COL11A1: variants seen among roughly 807,000 people sequenced by gnomAD.
COL11A1 encodes the protein collagen type XI alpha 1 chain.
COL11A1 carries 74 observed loss-of-function variants against 265.2 expected under a neutral mutation model. The ratio of observed to expected loss-of-function variants is 0.28; its 90% CI spans 0.23 to 0.34. The LOEUF (loss-of-function observed/expected upper bound fraction) is 0.34, where lower values mean the gene tolerates loss of function less well. Among genes scored for constraint, COL11A1 ranks in the 10% least tolerant of loss-of-function variants. COL11A1 has a pLI of 1.00. For synonymous variants in COL11A1, 816 were observed against 727.6 expected (o/e 1.12, Z -1.96); for missense variants, 2,165 against 2,263.6 (o/e 0.96, Z 0.88).
intron 65 of COL11A1, among the ~76,000 whole-genome samples, chr1:102,880,439 T>C (rs1384043500): frequency 6.6e-6 from 1 of 152,208 alleles, no homozygotes; most frequent in African/African-American, 2.4e-5. Context: ...AGGTTATTAA[T>C]ATTTTCAGAA....
intron 9 of COL11A1, among the ~76,000 whole-genome samples, chr1:103,020,068 T>C (rs1666894563): frequency 1.3e-5 from 2 of 151,386 alleles, no homozygotes; most frequent in South Asian, 2.1e-4. Flanking sequence ...TGTATCTTTA[T>C]AGCAGCATGA....
intron 5 of COL11A1, among the ~76,000 whole-genome samples, chr1:103,026,702 CTA>C (rs1231236457): frequency 1.3e-5 from 2 of 151,998 alleles, no homozygotes; most frequent in African/African-American, 4.8e-5. Flanking sequence ...CAATGTTTCT[CTA>C]TAAGAGCGCT....
At chr1:103,080,293 T>C (rs1672301937) in intron 2 of COL11A1, among the ~76,000 whole-genome samples, 1 of 151,798 alleles carries the variant, frequency 6.6e-6, no homozygotes, top group Admixed American at 6.6e-5. Context: ...ATCATTTGGC[T>C]CAAATCCCAG....
At chr1:102,981,012 G>A (rs2101693343) in intron 31 of COL11A1, among the ~76,000 whole-genome samples, 1 of 152,214 alleles carries the variant, frequency 6.6e-6, no homozygotes, top group African/African-American at 2.4e-5. Context: ...TTATCAGGAA[G>A]GTAAGATGCT....
rs17127471 is a variant in COL11A1, at chr1:103,099,163, C to T, written c.106+8910G>A. ...TTCTAGATGAAATAAATCAGATAAA[C>T]ATACCTATACCAGTGATTTTAGTGT... is the stretch of plus-strand genomic sequence containing the variant. On this transcript the variant is annotated intron_variant, in intron 1 of 66. Coordinates refer to ENST00000370096, the MANE Select transcript of COL11A1 (RefSeq NM_001854.4). 9.8e-3 allele frequency among the ~76,000 whole-genome samples: 1,491 copies of T among 151,808 alleles called. 26 individuals carry two copies. Among genetic ancestry groups the T allele is most frequent in the African/African-American group, 0.033 (1,382 of 41,478 alleles).
intron 4 of COL11A1, among the ~76,000 whole-genome samples, chr1:103,073,498 TACC>T (rs1366964015): frequency 6.6e-6 from 1 of 151,806 alleles, no homozygotes; most frequent in Admixed American, 6.6e-5. Context: ...GAGAGTATAT[TACC>T]ATTATAAACT....
At chr1:102,958,612 A>G (rs183399524) in intron 41 of COL11A1, among the ~76,000 whole-genome samples, 3 of 152,310 alleles carry the variant, frequency 2.0e-5, no homozygotes, top group Admixed American at 2.0e-4. Context: ...GTTAGGAACT[A>G]ATAAATGTGT....
At chr1:103,002,585 C>T (rs1665214434) in intron 22 of COL11A1, 104 bp from the exon 23 acceptor site, 1 of 1,173,006 alleles carries the variant, frequency 8.5e-7, no homozygotes, top group Non-Finnish European at 1.2e-6. Flanking sequence ...AACAGTTTTC[C>T]CTCATGAGAT....
intron 4 of COL11A1, among the ~76,000 whole-genome samples, chr1:103,058,367 T>C (rs1670398553): frequency 6.6e-6 from 1 of 152,184 alleles, no homozygotes; most frequent in African/African-American, 2.4e-5. Context: ...TCAAACTTTC[T>C]CCATATCAGC....
At chr1:103,036,361 G>A (rs1668373664) in intron 4 of COL11A1, among the ~76,000 whole-genome samples, 1 of 143,036 alleles carries the variant, frequency 7.0e-6, no homozygotes, top group Non-Finnish European at 1.5e-5. Flanking sequence ...TGATACTTAT[G>A]TATATAAATA....
rs572491181 is a variant in COL11A1 at position 103,047,981 on chromosome 1, T to G, written c.652-16737A>C. 2.1e-3 allele frequency among the ~76,000 whole-genome samples: 322 copies of G among 152,226 alleles called. 1 individual carries two copies. The highest frequency in any genetic ancestry group is 6.2e-3 in the African/African-American group (258 of 41,554). ...CTTGATCATGGTGGATAAGCTTTTT[T>G]ATGTGCTGCTGGATTCAGTTTGCCA... On this transcript the variant is annotated intron_variant, in intron 4 of 66. Coordinates refer to ENST00000370096, the MANE Select transcript of COL11A1 (RefSeq NM_001854.4).
chr1:103,101,048 A>C (rs753927602), intron 1 of COL11A1, among the ~76,000 whole-genome samples: 84 of 151,970 alleles, frequency 5.5e-4, no homozygotes, highest in Non-Finnish European at 9.9e-4. Flanking sequence ...TAAATTTCGA[A>C]GTATAAAGTA....
chr1:102,932,481 C>T (rs369301594), intron 46 of COL11A1, among the ~76,000 whole-genome samples: 1 of 152,110 alleles, frequency 6.6e-6, no homozygotes, highest in East Asian at 1.9e-4. Flanking sequence ...TGATGGGCTT[C>T]CCTTTGAGGG....
chr1:103,091,242 C>A (rs1673296719), intron 1 of COL11A1, among the ~76,000 whole-genome samples: 1 of 151,990 alleles, frequency 6.6e-6, no homozygotes, highest in Non-Finnish European at 1.5e-5. Context: ...ACTGTTCTTT[C>A]ATTTATTGTA....
chr1:103,085,267 C>A (rs1672757623), intron 1 of COL11A1, among the ~76,000 whole-genome samples: 1 of 152,208 alleles, frequency 6.6e-6, no homozygotes, highest in Admixed American at 6.5e-5. Flanking sequence ...TCATTTCCAA[C>A]CTGCTTATCC....
chr1:102,917,355 T>G (rs1469072995), intron 49 of COL11A1, among the ~76,000 whole-genome samples: 1 of 151,912 alleles, frequency 6.6e-6, no homozygotes, highest in Non-Finnish European at 1.5e-5. Flanking sequence ...ATTCAAGAAT[T>G]TAAACATAAG....
At chr1:102,888,457 C>A (rs1651291866) in intron 62 of COL11A1, 120 bp downstream of exon 62, 20 of 868,124 alleles carry the variant, frequency 2.3e-5, no homozygotes, top group South Asian at 2.3e-4. Flanking sequence ...TATAATGTTT[C>A]CTATAAAATC....
intron 9 of COL11A1, among the ~76,000 whole-genome samples, chr1:103,019,376 T>G (rs1414273884): frequency 1.3e-5 from 2 of 152,262 alleles, no homozygotes; most frequent in South Asian, 2.1e-4. Context: ...CTATTCAGAA[T>G]AAGAACTCAG....
intron 21 of COL11A1, 87 bp downstream of exon 21, chr1:103,003,128 G>C (rs1031591249): frequency 1.5e-6 from 2 of 1,326,814 alleles, no homozygotes; most frequent in Middle Eastern, 1.8e-4. Context: ...ATAAACTCTT[G>C]GCTCTCTACT....
Sources: gnomAD v4.1 joint callset for allele counts (sites outside exome capture counted in the v4.1 genomes callset) on GRCh38, gnomAD v4.1.1 for gene constraint, MANE v1.5 for transcripts, NCBI Gene and HGNC (gene_info 2026-07-23, HGNC 2026-07-21) for gene names.